SLC24A2: variants seen among roughly 807,000 people sequenced by gnomAD.
The protein encoded by SLC24A2 is solute carrier family 24 member 2, also known as sodium/potassium/calcium exchanger 2.
A neutral mutation model predicts 62.0 loss-of-function variants in SLC24A2; 36 were observed. The observed-to-expected ratio is 0.58, with a 90% CI of 0.44 to 0.77. The LOEUF is 0.77. Among genes scored for constraint, SLC24A2 ranks in the 30% least tolerant of loss-of-function variants. The pLI is 0.00. For synonymous variants in SLC24A2, 358 were observed against 294.0 expected (o/e 1.22, Z -2.23); for missense variants, 846 against 817.9 (o/e 1.03, Z -0.42).
the SLC24A2 span, among the ~76,000 whole-genome samples, chr9:19,833,704 T>C: frequency 6.6e-6 from 1 of 152,350 alleles, no homozygotes; most frequent in Non-Finnish European, 1.5e-5. Flanking sequence ...TAAATGTCCC[T>C]GTGTGACAGC....
At chr9:20,240,944 T>A in the SLC24A2 span, among the ~76,000 whole-genome samples, 1 of 152,210 alleles carries the variant, frequency 6.6e-6, no homozygotes, top group African/African-American at 2.4e-5. Flanking sequence ...CACACGCAGA[T>A]GAATTGAGGC....
At chr9:19,983,947 T>C in the SLC24A2 span, among the ~76,000 whole-genome samples, 2 of 152,228 alleles carry the variant, frequency 1.3e-5, no homozygotes, top group African/African-American at 4.8e-5. Flanking sequence ...GTTAGACTTA[T>C]TGTTTTTTGA....
At chr9:19,976,050 A>T in the SLC24A2 span, among the ~76,000 whole-genome samples, 19 of 152,202 alleles carry the variant, frequency 1.2e-4, no homozygotes, top group African/African-American at 4.1e-4. Context: ...CTAATTTTTA[A>T]ATTTTTAACT....
chr9:19,931,855 A>G, the SLC24A2 span, among the ~76,000 whole-genome samples: 1 of 152,316 alleles, frequency 6.6e-6, no homozygotes, highest in African/African-American at 2.4e-5. Flanking sequence ...CATTGAATAA[A>G]GAAATAAAAT....
chr9:19,723,128 G>C (rs1821076721), intron 2 of SLC24A2, among the ~76,000 whole-genome samples: 1 of 152,002 alleles, frequency 6.6e-6, no homozygotes, highest in Non-Finnish European at 1.5e-5. Flanking sequence ...CATGCACATG[G>C]ATCCATTTTA....
the SLC24A2 span, among the ~76,000 whole-genome samples, chr9:20,187,715 A>T: frequency 6.6e-6 from 1 of 152,158 alleles, no homozygotes; most frequent in African/African-American, 2.4e-5. Context: ...ATTCTTAGCT[A>T]GGTGCATTCC....
chr9:19,774,184 T>C (rs1822774114), intron 2 of SLC24A2, among the ~76,000 whole-genome samples: 1 of 152,078 alleles, frequency 6.6e-6, no homozygotes, highest in African/African-American at 2.4e-5. Context: ...GAGAAGTGTA[T>C]CTTTGGTGGG....
chr9:19,627,280 T>C (rs1049872158), intron 2 of SLC24A2, among the ~76,000 whole-genome samples: 1 of 152,218 alleles, frequency 6.6e-6, no homozygotes, highest in Non-Finnish European at 1.5e-5. Context: ...CAAAGCCTTT[T>C]GATGATTTGT....
At chr9:19,636,303 T>TTTCCTTTCCTTTC (rs1564009533) in intron 2 of SLC24A2, among the ~76,000 whole-genome samples, 1 of 43,710 alleles carries the variant, frequency 2.3e-5, no homozygotes, top group African/African-American at 9.2e-5. Flanking sequence ...TCTTTTCTTT[T>TTTCCTTTCCTTTC]CTTTTCTTTT....
At chr9:19,980,550 C>A in the SLC24A2 span, among the ~76,000 whole-genome samples, 1 of 151,916 alleles carries the variant, frequency 6.6e-6, no homozygotes, top group Non-Finnish European at 1.5e-5. Flanking sequence ...ATTTCCATCA[C>A]CCATTTTACT....
the SLC24A2 span, among the ~76,000 whole-genome samples, chr9:19,936,936 C>A: frequency 2.6e-5 from 4 of 152,280 alleles, no homozygotes; most frequent in African/African-American, 9.6e-5. Context: ...GAGGTAGAGG[C>A]TGCTGCTTTT....
At chr9:20,047,470 G>A in the SLC24A2 span, among the ~76,000 whole-genome samples, 7 of 150,478 alleles carry the variant, frequency 4.7e-5, no homozygotes, top group Admixed American at 1.3e-4. Context: ...GTCAGTTTGG[G>A]GTGCTATAAC....
chr9:19,741,002 C>A (rs1200207858), intron 2 of SLC24A2, among the ~76,000 whole-genome samples: 2 of 152,100 alleles, frequency 1.3e-5, no homozygotes, highest in African/African-American at 4.8e-5. Context: ...TAAACATACA[C>A]TGTGGAAATG....
chr9:19,715,564 A>C (rs1291991259), intron 2 of SLC24A2, among the ~76,000 whole-genome samples: 1 of 152,166 alleles, frequency 6.6e-6, no homozygotes, highest in Non-Finnish European at 1.5e-5. Context: ...GAAAGTCGAA[A>C]GTTTTATTTT....
At chr9:19,764,896 T>C (rs1822463821) in intron 2 of SLC24A2, among the ~76,000 whole-genome samples, 1 of 152,206 alleles carries the variant, frequency 6.6e-6, no homozygotes, top group Admixed American at 6.5e-5. Context: ...CAGTGGGGTG[T>C]TAAAGTCTCC....
At chr9:19,779,626 G>C (rs1822950819) in intron 2 of SLC24A2, among the ~76,000 whole-genome samples, 1 of 152,128 alleles carries the variant, frequency 6.6e-6, no homozygotes. Context: ...GTAGATAAAA[G>C]GTTTGGTATA....
At chr9:19,958,461 A>G in the SLC24A2 span, among the ~76,000 whole-genome samples, 1 of 152,184 alleles carries the variant, frequency 6.6e-6, no homozygotes, top group Admixed American at 6.5e-5. Context: ...CAGAGGCTTT[A>G]TGGTGCAGTC....
chr9:20,084,561 A>G, the SLC24A2 span, among the ~76,000 whole-genome samples: 1 of 140,726 alleles, frequency 7.1e-6, no homozygotes, highest in African/African-American at 2.7e-5. Context: ...AACATTCACC[A>G]TATCCCACCA....
chr9:20,100,913 G>C, the SLC24A2 span, among the ~76,000 whole-genome samples: 1 of 152,094 alleles, frequency 6.6e-6, no homozygotes, highest in Non-Finnish European at 1.5e-5. Flanking sequence ...TCTTCCTACA[G>C]GTATTGTGGT....
Sources: gnomAD v4.1 joint callset for allele counts (sites outside exome capture counted in the v4.1 genomes callset) on GRCh38, gnomAD v4.1.1 for gene constraint, MANE v1.5 for transcripts, NCBI Gene and HGNC (gene_info 2026-07-23, HGNC 2026-07-21) for gene names.